FCHSD2: variants seen among roughly 807,000 people sequenced by gnomAD.
FCHSD2 encodes the protein FCH and double SH3 domains 2.
In FCHSD2, 38 loss-of-function variants were observed where a neutral mutation model predicts 108.1. The observed-to-expected ratio is 0.35, with a 90% CI of 0.27 to 0.46. The LOEUF (loss-of-function observed/expected upper bound fraction) is 0.46, where lower values mean the gene tolerates loss of function less well. Ranked by LOEUF, FCHSD2 falls within the 20% of genes least tolerant of loss-of-function variation. The pLI is 1.00. For synonymous variants in FCHSD2, 279 were observed against 314.7 expected, an observed-to-expected ratio of 0.89 and a Z score of 1.20; for missense variants, 751 against 897.8, an observed-to-expected ratio of 0.84 and a Z score of 2.09.
At chr11:73,056,523 G>T (rs1181879093) in intron 3 of FCHSD2, among the ~76,000 whole-genome samples, 1 of 152,136 alleles carries the variant, frequency 6.6e-6, no homozygotes, top group Non-Finnish European at 1.5e-5. Flanking sequence ...TTGCTAAAAT[G>T]AATCAATTTA....
chr11:73,014,856 T>A (rs1196233271), intron 4 of FCHSD2, among the ~76,000 whole-genome samples: 1 of 152,156 alleles, frequency 6.6e-6, no homozygotes, highest in Non-Finnish European at 1.5e-5. Context: ...AATTCTTTTT[T>A]TTTTTGAGCT....
intron 2 of FCHSD2, among the ~76,000 whole-genome samples, chr11:73,128,053 T>G (rs1169600018): frequency 6.7e-6 from 1 of 149,512 alleles, no homozygotes; most frequent in Non-Finnish European, 1.5e-5. Flanking sequence ...CACAATTGCC[T>G]GCGGGCCCTT....
chr11:72,966,654 T>C (rs956995032), intron 8 of FCHSD2, among the ~76,000 whole-genome samples: 1 of 152,212 alleles, frequency 6.6e-6, no homozygotes, highest in African/African-American at 2.4e-5. Context: ...TGTCAGTTAC[T>C]GTGCTAGATT....
chr11:73,110,851 G>A (rs1860466454), intron 2 of FCHSD2, among the ~76,000 whole-genome samples: 1 of 151,886 alleles, frequency 6.6e-6, no homozygotes, highest in South Asian at 2.1e-4. Flanking sequence ...TATCTCATGG[G>A]TTGTTGGTAT....
At chr11:73,035,581 G>A (rs1409961336) in intron 3 of FCHSD2, among the ~76,000 whole-genome samples, 1 of 152,024 alleles carries the variant, frequency 6.6e-6, no homozygotes, top group Non-Finnish European at 1.5e-5. Context: ...TTGGCCCAAT[G>A]TATGGCATAC....
chr11:73,077,789 A>T, intron 3 of FCHSD2: 1 of 257,748 alleles, frequency 3.9e-6, no homozygotes, highest in Non-Finnish European at 7.8e-6. Flanking sequence ...ACACAGGAAA[A>T]CTCTGGGGGC....
intron 2 of FCHSD2, among the ~76,000 whole-genome samples, chr11:73,119,039 C>T (rs558361211): frequency 1.7e-4 from 26 of 152,204 alleles, no homozygotes; most frequent in Admixed American, 9.8e-4. Flanking sequence ...CGGTGACTCA[C>T]GTCTGTAATC....
intron 2 of FCHSD2, among the ~76,000 whole-genome samples, chr11:73,096,987 A>AAT (rs1860095700): frequency 7.4e-5 from 2 of 27,046 alleles, no homozygotes; most frequent in African/African-American, 3.9e-4. Flanking sequence ...TCATTGATGG[A>AAT]TTTTTTTTTT....
At chr11:72,982,186 T>A (rs546897172) in intron 8 of FCHSD2, among the ~76,000 whole-genome samples, 5 of 152,180 alleles carry the variant, frequency 3.3e-5, no homozygotes, top group Admixed American at 1.3e-4. Flanking sequence ...GTTTTTGCAA[T>A]AGGATACTTC....
chr11:73,008,169 T>C (rs1857783218), intron 4 of FCHSD2, among the ~76,000 whole-genome samples: 1 of 151,838 alleles, frequency 6.6e-6, no homozygotes, highest in African/African-American at 2.4e-5. Flanking sequence ...TAAAACCCCA[T>C]CTCTACTAAA....
intron 2 of FCHSD2, among the ~76,000 whole-genome samples, chr11:73,093,948 T>C (rs1015296448): frequency 3.3e-5 from 5 of 150,070 alleles, no homozygotes; most frequent in Non-Finnish European, 7.4e-5. Context: ...TGGTGGCTCA[T>C]GCCTGTAATC....
chr11:73,091,192 T>G (rs1320107806), intron 2 of FCHSD2, among the ~76,000 whole-genome samples: 3 of 152,218 alleles, frequency 2.0e-5, no homozygotes, highest in African/African-American at 2.4e-5. Context: ...TTCCACATCC[T>G]GAGTATTATG....
At chr11:72,868,433 G>A (rs970673792) in intron 12 of FCHSD2, among the ~76,000 whole-genome samples, 1 of 152,098 alleles carries the variant, frequency 6.6e-6, no homozygotes, top group Non-Finnish European at 1.5e-5. Flanking sequence ...GGGTTGATCT[G>A]TGCAGCAAAC....
intron 3 of FCHSD2, among the ~76,000 whole-genome samples, chr11:73,050,365 C>T (rs17310277): frequency 6.6e-6 from 1 of 151,922 alleles, no homozygotes; most frequent in African/African-American, 2.4e-5. Context: ...GTGAAAAAGA[C>T]GTATTTAGAT....
At chr11:73,087,567 T>C (rs1399719293) in intron 2 of FCHSD2, among the ~76,000 whole-genome samples, 2 of 151,940 alleles carry the variant, frequency 1.3e-5, no homozygotes, top group African/African-American at 2.4e-5. Context: ...TAGCCAGGCA[T>C]GGTGGCGTGT....
At chr11:72,870,423 A>G (rs1196871071) in intron 12 of FCHSD2, among the ~76,000 whole-genome samples, 1 of 152,120 alleles carries the variant, frequency 6.6e-6, no homozygotes, top group East Asian at 1.9e-4. Flanking sequence ...CTGTGCTTCT[A>G]CTTTTCCAAG....
At chr11:73,048,740 G>A (rs1591512521) in intron 3 of FCHSD2, among the ~76,000 whole-genome samples, 4 of 152,266 alleles carry the variant, frequency 2.6e-5, no homozygotes, top group South Asian at 4.1e-4. Flanking sequence ...CAAGCAAGCC[G>A]TATGACCAAG....
chr11:73,019,042 C>T (rs953823553), intron 3 of FCHSD2, among the ~76,000 whole-genome samples: 1 of 152,102 alleles, frequency 6.6e-6, no homozygotes, highest in Non-Finnish European at 1.5e-5. Context: ...AAACAAGTGG[C>T]AAAATGTGAT....
At chr11:72,875,082 T>C (rs1168674385) in intron 12 of FCHSD2, among the ~76,000 whole-genome samples, 2 of 152,234 alleles carry the variant, frequency 1.3e-5, no homozygotes, top group African/African-American at 4.8e-5. Flanking sequence ...TAGTTGAATT[T>C]CAAGTCTGTA....
Sources: allele counts gnomAD v4.1 joint callset (sites outside exome capture counted in the v4.1 genomes callset), GRCh38; gene constraint gnomAD v4.1.1; transcripts MANE v1.5; gene names NCBI Gene and HGNC (gene_info 2026-07-23, HGNC 2026-07-21).